RHBDF1: variants seen among roughly 807,000 people sequenced by gnomAD.
RHBDF1 encodes rhomboid 5 homolog 1.
Under a neutral mutation model 98.6 loss-of-function variants are expected in RHBDF1, and 80 were observed. The ratio of observed to expected loss-of-function variants is 0.81; its 90% confidence interval spans 0.68 to 0.98. RHBDF1 has a LOEUF of 0.98. Among genes scored for constraint, RHBDF1 ranks in the 50% least tolerant of loss-of-function variants. The pLI, the probability that RHBDF1 is intolerant of heterozygous loss-of-function variation, is 0.00. For missense variants in RHBDF1, 1,116 were observed against 1,198.3 expected (o/e 0.93, Z 1.01); for synonymous variants, 512 against 486.8 (o/e 1.05, Z -0.68).
chr16:59,954 A>C, intron 13 of RHBDF1, 128 bp from the exon 14 acceptor site: 21 of 1,517,092 alleles, frequency 1.4e-5, no homozygotes, highest in Non-Finnish European at 1.9e-5. Context: ...CCTTGACTTC[A>C]AGCAGGCCAC....
In RHBDF1 at chr16:58,236, G is replaced by C; in HGVS notation, c.*104C>G. The C allele has an allele frequency of 8.8e-7, 1 of 1,132,616 alleles. No individual in the cohort carries two copies. The highest frequency in any genetic ancestry group is 1.5e-5 in the South Asian group (1 of 66,538). The allele number at this position is 1,132,616 out of a possible 1,614,324, so 70.2% of individuals were successfully genotyped here. ...AGGTCTGTGTTCAGGAAACAGGCCA[G>C]TCCCCACATGGAGCAGGTGACTCCT... On this transcript the variant is annotated 3_prime_UTR_variant, in exon 18 of 18. Coordinates refer to ENST00000262316, the MANE Select transcript of RHBDF1 (RefSeq NM_022450.5).
intron 11 of RHBDF1, 141 bp downstream of exon 11, chr16:60,979 T>A (rs1596466434): frequency 1.2e-6 from 1 of 863,918 alleles, no homozygotes; most frequent in Middle Eastern, 2.3e-4. Flanking sequence ...TGAGGAGGAA[T>A]GAATATGACA....
At chr16:67,108 T>C (rs1394845903) in intron 1 of RHBDF1, among the ~76,000 whole-genome samples, 1 of 152,078 alleles carries the variant, frequency 6.6e-6, no homozygotes, top group Admixed American at 6.5e-5. Context: ...ACCCTGCTGG[T>C]AAGGAATAGC....
rs144454376 is a variant in RHBDF1, at chr16:64,936, G to A, written c.80C>T (p.Ala27Val). The A allele has an allele frequency of 2.1e-4, 333 of 1,596,842 alleles. 1 individual carries two copies. In the African/African-American group the frequency reaches 3.5e-3, roughly 17 times the overall value. The change falls in exon 2 of 18, where the codon GCG (alanine) becomes GTG (valine). Residue 27 changes from alanine to valine, a missense_variant. Physicochemically the swap from Ala to Val is moderately conservative, Grantham distance 64. Coordinates refer to ENST00000262316, the MANE Select transcript of RHBDF1 (RefSeq NM_022450.5). ...PPWLKLDIPS[A>V]VPLTAEEPSF... is the part of the protein sequence containing the mutation. ...GGGCTCTTCTGCCGTCAGGGGCACCGCAGAGGGAATGTCCAGCTTTAGCCA... is the reference window on the plus strand; with the variant it reads ...GGGCTCTTCTGCCGTCAGGGGCACCACAGAGGGAATGTCCAGCTTTAGCCA...
At chr16:62,742 G>A (rs768860605) in intron 6 of RHBDF1, 33 bp downstream of exon 6, 42 of 1,613,980 alleles carry the variant, frequency 2.6e-5, no homozygotes, top group African/African-American at 8.0e-5. Flanking sequence ...GGAAGGGAAC[G>A]TGGGGTGGGG....
chr16:71,101 G>A (rs1399334204), intron 1 of RHBDF1, among the ~76,000 whole-genome samples: 1 of 152,130 alleles, frequency 6.6e-6, no homozygotes, highest in Non-Finnish European at 1.5e-5. Context: ...CTGAAAGGCA[G>A]GGGAGACCTG....
intron 1 of RHBDF1, among the ~76,000 whole-genome samples, chr16:67,155 T>A (rs1596474387): frequency 6.6e-6 from 1 of 151,822 alleles, no homozygotes; most frequent in African/African-American, 2.4e-5. Flanking sequence ...ACACTAAGGG[T>A]GGAATTTCAG....
rs199975086 is a variant in RHBDF1, at chr16:59,399, C to T, written c.1893+20G>A. On this transcript the variant is annotated intron_variant, in intron 15 of 17. Transcript: ENST00000262316. ...CACAGTAGCTGGGGGAGGGGAACGA[C>T]GGACACTCTGCAGACCTACCTGAGA... 1,526 of 1,612,908 alleles carry T rather than the reference C, an allele frequency of 9.5e-4. 1 individual carries two copies. Among genetic ancestry groups the T allele is most frequent in the Non-Finnish European group, 1.1e-3 (1,258 of 1,179,342 alleles).
At chr16:62,517 T>G in intron 7 of RHBDF1, 21 bp downstream of exon 7, 1 of 1,609,230 alleles carries the variant, frequency 6.2e-7, no homozygotes, top group South Asian at 1.1e-5. Flanking sequence ...TCTGCCCCTC[T>G]TCCCTGCCTG....
upstream of RHBDF1, chr16:74,676 A>T (rs1431443978): frequency 6.6e-6 from 1 of 152,042 alleles, no homozygotes. Context: ...CAGGCCTCTG[A>T]GCCCAAGCCT....
upstream of RHBDF1, chr16:74,657 G>A (rs1898051934): frequency 6.6e-6 from 1 of 152,160 alleles, no homozygotes; most frequent in South Asian, 2.1e-4. Context: ...ATACACGTGT[G>A]CTCAGTGTCA....
intron 7 of RHBDF1, chr16:62,292 T>C: frequency 1.4e-6 from 1 of 714,452 alleles, no homozygotes; most frequent in Non-Finnish European, 2.3e-6. Flanking sequence ...CACCTCCGCC[T>C]CCCCGTTGGA....
chr16:67,093 C>A (rs1445025402), intron 1 of RHBDF1, among the ~76,000 whole-genome samples: 1 of 152,180 alleles, frequency 6.6e-6, no homozygotes, highest in East Asian at 1.9e-4. Flanking sequence ...GACTGCAGTA[C>A]CATCACCCTG....
Position 61,375 on chromosome 16 carries a change from C to A in RHBDF1, c.1395+10G>T. ...GCCCCCGCCGGCCCCGCCCCCAGCCCCGTCCTCACCGAGCTGGGCCCGATC... is the reference window on the plus strand; with the variant it reads ...GCCCCCGCCGGCCCCGCCCCCAGCCACGTCCTCACCGAGCTGGGCCCGATC... On this transcript the variant is annotated intron_variant, in intron 10 of 17. Coordinates refer to ENST00000262316, the MANE Select transcript of RHBDF1 (RefSeq NM_022450.5). 1 of 1,597,570 alleles carries A rather than the reference C, an allele frequency of 6.3e-7. No homozygotes were observed. The highest frequency in any genetic ancestry group is 2.3e-5 in the East Asian group (1 of 44,170).
intron 1 of RHBDF1, among the ~76,000 whole-genome samples, chr16:71,220 G>A (rs964082572): frequency 1.3e-5 from 2 of 152,184 alleles, no homozygotes; most frequent in African/African-American, 4.8e-5. Flanking sequence ...TGCAACGGAG[G>A]CCACCCAGCC....
In RHBDF1 at chr16:63,007, T is replaced by C. The variant is rs1339911540; in HGVS notation, c.638A>G (p.Lys213Arg). ...PRRRKRESVA[K>R]MSFRAAAALM... ...CGCTGCGGCCGCCCGGAAGCTCATC[T>C]TGGCCACCGACTCTCGCTTGCGCCG... Residue 213 changes from lysine to arginine, a missense_variant, in exon 5 of 18, where the codon AAG (lysine) becomes AGG (arginine). Physicochemically the swap from Lys to Arg is conservative, Grantham distance 26 (BLOSUM62 2). Coordinates refer to ENST00000262316, the MANE Select transcript of RHBDF1 (RefSeq NM_022450.5). 2 of 1,612,298 alleles carry C rather than the reference T, an allele frequency of 1.2e-6. No individual in the cohort carries two copies. Among genetic ancestry groups the C allele is most frequent in the Admixed American group, 1.7e-5 (1 of 59,962 alleles).
Position 60,437 on chromosome 16 carries a change from A to G in RHBDF1, c.1658+2T>C. On this transcript the variant is annotated splice_donor_variant, in intron 12 of 17. Transcript: ENST00000262316. LOFTEE classifies it high-confidence loss of function. ...GGTGAGAGAGCTGCCGGCAGGACTA[A>G]CCTGGGATCCTGGTGGCAGACAGAG... is the stretch of plus-strand genomic sequence containing the variant. 3 of 1,611,856 alleles carry G rather than the reference A, an allele frequency of 1.9e-6. No homozygotes were observed. The highest frequency in any genetic ancestry group is 2.5e-6 in the Non-Finnish European group (3 of 1,179,700).
chr16:58,836 C>T, intron 17 of RHBDF1, 77 bp from the exon 18 acceptor site: 1 of 1,561,632 alleles, frequency 6.4e-7, no homozygotes, highest in South Asian at 1.2e-5. Context: ...TCTTTCTGCC[C>T]CACTTCCCAT....
chr16:73,692 C>T (rs1382493317), upstream of RHBDF1, among the ~76,000 whole-genome samples: 1 of 152,128 alleles, frequency 6.6e-6, no homozygotes, highest in Non-Finnish European at 1.5e-5. Context: ...CCATGGGTCC[C>T]TAAGGACCCC....
Sources: allele counts gnomAD v4.1 joint callset (sites outside exome capture counted in the v4.1 genomes callset), GRCh38; gene constraint gnomAD v4.1.1; transcripts MANE v1.5; gene names NCBI Gene and HGNC (gene_info 2026-07-23, HGNC 2026-07-21).